AGBL4: variants seen among roughly 807,000 people sequenced by gnomAD.
AGBL4 encodes cytosolic carboxypeptidase 6.
A neutral mutation model predicts 66.4 loss-of-function variants in AGBL4; 58 were observed. The ratio of observed to expected loss-of-function variants is 0.87; its 90% confidence interval spans 0.71 to 1.09. AGBL4 has a LOEUF of 1.09. Among genes scored for constraint, AGBL4 ranks in the 50% least tolerant of loss-of-function variants. AGBL4 has a pLI of 0.00. For missense variants in AGBL4, 579 were observed against 631.0 expected (o/e 0.92, Z 0.88); for synonymous variants, 234 against 222.9 (o/e 1.05, Z -0.44).
chr1:48,901,589 T>G (rs1652084851), intron 5 of AGBL4, among the ~76,000 whole-genome samples: 1 of 152,180 alleles, frequency 6.6e-6, no homozygotes. Flanking sequence ...CTCAGAATGA[T>G]TATTCTGAGT....
At position 49,224,344 on chromosome 1, in the gene AGBL4, G is replaced by A. The variant is rs562831009; in HGVS notation, c.377+21426C>T. Among the ~76,000 whole-genome samples, 20 of 152,214 alleles carry A rather than the reference G, an allele frequency of 1.3e-4. No homozygotes were observed. In the South Asian group the frequency reaches 4.2e-3, roughly 32 times the overall value. On this transcript the variant is annotated intron_variant, in intron 4 of 13. Coordinates refer to ENST00000371839, the MANE Select transcript of AGBL4 (RefSeq NM_032785.4). ...TCAAATTCCAATTGGCCGGCCGGAC[G>A]CGGTGACTTATGCCTGTAATCCCAG... is the stretch of plus-strand genomic sequence containing the variant.
At chr1:49,672,119 T>C (rs1646488227) in intron 3 of AGBL4, among the ~76,000 whole-genome samples, 1 of 152,134 alleles carries the variant, frequency 6.6e-6, no homozygotes, top group Non-Finnish European at 1.5e-5. Context: ...GATAATAAAA[T>C]GTGGTACATA....
At chr1:48,775,547 C>A (rs1350181347) in intron 6 of AGBL4, among the ~76,000 whole-genome samples, 3 of 152,178 alleles carry the variant, frequency 2.0e-5, no homozygotes, top group Non-Finnish European at 4.4e-5. Context: ...GGTTCATTCT[C>A]CTTACCAGCA....
intron 2 of AGBL4, among the ~76,000 whole-genome samples, chr1:49,720,294 T>C (rs1435423831): frequency 6.6e-6 from 1 of 152,134 alleles, no homozygotes; most frequent in Non-Finnish European, 1.5e-5. Flanking sequence ...TTTTCAGATT[T>C]GGGGTGCTCA....
At chr1:48,735,995 T>C (rs1254443288) in intron 6 of AGBL4, among the ~76,000 whole-genome samples, 1 of 152,192 alleles carries the variant, frequency 6.6e-6, no homozygotes, top group Non-Finnish European at 1.5e-5. Context: ...TAGCACACCA[T>C]CTGTCCCTTT....
chr1:48,874,464 T>C (rs1040386943), intron 5 of AGBL4, among the ~76,000 whole-genome samples: 1 of 152,194 alleles, frequency 6.6e-6, no homozygotes. Context: ...AAATTTGCTC[T>C]TTTCTTTGAA....
intron 3 of AGBL4, among the ~76,000 whole-genome samples, chr1:49,347,695 T>C (rs946236034): frequency 1.6e-4 from 24 of 151,152 alleles, no homozygotes; most frequent in African/African-American, 5.8e-4. Flanking sequence ...CTGTCTCTAC[T>C]AAAAATACAA....
At chr1:48,767,151 C>A (rs1352361443) in intron 6 of AGBL4, among the ~76,000 whole-genome samples, 2 of 152,170 alleles carry the variant, frequency 1.3e-5, no homozygotes, top group Non-Finnish European at 2.9e-5. Flanking sequence ...TCTTTTGAAT[C>A]AGGTGGTCCT....
intron 6 of AGBL4, among the ~76,000 whole-genome samples, chr1:48,819,096 A>T (rs537739754): frequency 1.3e-5 from 2 of 152,298 alleles, no homozygotes; most frequent in African/African-American, 4.8e-5. Context: ...AGAGGCTCGT[A>T]CAGACAGTTT....
At chr1:49,193,207 T>C (rs1647156441) in intron 4 of AGBL4, among the ~76,000 whole-genome samples, 1 of 152,080 alleles carries the variant, frequency 6.6e-6, no homozygotes, top group Non-Finnish European at 1.5e-5. Context: ...TTTCATTTTA[T>C]TCTGCCCTGA....
At chr1:49,430,822 G>A (rs530421456) in intron 3 of AGBL4, among the ~76,000 whole-genome samples, 1 of 152,160 alleles carries the variant, frequency 6.6e-6, no homozygotes, top group African/African-American at 2.4e-5. Context: ...GATAACCAAT[G>A]CCCTCACTTC....
At chr1:48,622,795 T>A (rs1390102222) in intron 9 of AGBL4, among the ~76,000 whole-genome samples, 1 of 152,182 alleles carries the variant, frequency 6.6e-6, no homozygotes, top group African/African-American at 2.4e-5. Context: ...CAAATACACT[T>A]CTTATACTAA....
At chr1:49,135,710 T>C (rs1050250170) in intron 4 of AGBL4, among the ~76,000 whole-genome samples, 8 of 152,194 alleles carry the variant, frequency 5.3e-5, no homozygotes, top group Non-Finnish European at 1.2e-4. Flanking sequence ...GGCTTAAGAA[T>C]GCCTTTAAGT....
At chr1:49,956,718 G>A (rs565222904) in intron 1 of AGBL4, among the ~76,000 whole-genome samples, 1 of 151,988 alleles carries the variant, frequency 6.6e-6, no homozygotes, top group South Asian at 2.1e-4. Flanking sequence ...GTGTTTCATG[G>A]AGCCCCAGAG....
intron 3 of AGBL4, among the ~76,000 whole-genome samples, chr1:49,586,874 T>C (rs1170657539): frequency 1.3e-5 from 2 of 152,174 alleles, no homozygotes; most frequent in African/African-American, 4.8e-5. Context: ...AGAGTGTCCC[T>C]CACCTCTGTC....
At chr1:49,045,465 T>C in intron 5 of AGBL4, 119 bp downstream of exon 5, 1 of 716,482 alleles carries the variant, frequency 1.4e-6, no homozygotes. Flanking sequence ...TAGTAAATTA[T>C]TAAAAGTTCT....
chr1:49,386,444 T>A (rs570682266), intron 3 of AGBL4, among the ~76,000 whole-genome samples: 2 of 152,010 alleles, frequency 1.3e-5, no homozygotes, highest in South Asian at 4.1e-4. Context: ...TTAACCAATA[T>A]AAAGCAAAAT....
chr1:49,386,816 C>T (rs1315081258), intron 3 of AGBL4, among the ~76,000 whole-genome samples: 4 of 151,838 alleles, frequency 2.6e-5, no homozygotes, highest in Non-Finnish European at 2.9e-5. Context: ...CAAATTGGCT[C>T]TATATTCTCT....
At chr1:49,297,438 T>A (rs1383632128) in intron 3 of AGBL4, among the ~76,000 whole-genome samples, 2 of 152,156 alleles carry the variant, frequency 1.3e-5, no homozygotes, top group Non-Finnish European at 2.9e-5. Context: ...ACAGCTAGAA[T>A]GTAGAATACG....
Sources: gnomAD v4.1 joint callset for allele counts (sites outside exome capture counted in the v4.1 genomes callset) on GRCh38, gnomAD v4.1.1 for gene constraint, MANE v1.5 for transcripts, NCBI Gene and HGNC (gene_info 2026-07-23, HGNC 2026-07-21) for gene names.